The following NRG3 variants were observed in gnomAD, a reference collection of about 807,000 sequenced individuals.
The protein encoded by NRG3 is pro-neuregulin-3, membrane-bound isoform.
A neutral mutation model predicts 66.9 loss-of-function variants in NRG3; 31 were observed. The ratio of observed to expected loss-of-function variants is 0.46; its 90% CI spans 0.35 to 0.63. The LOEUF is 0.63. Among genes scored for constraint, NRG3 ranks in the 20% least tolerant of loss-of-function variants. The pLI is 0.00. For missense variants in NRG3, 910 were observed against 878.9 expected (o/e 1.04, Z -0.45); for synonymous variants, 393 against 359.4 (o/e 1.09, Z -1.06).
At chr10:82,785,304 C>A (rs936940134) in intron 3 of NRG3, among the ~76,000 whole-genome samples, 1 of 150,442 alleles carries the variant, frequency 6.6e-6, no homozygotes, top group Non-Finnish European at 1.5e-5. Context: ...TGTATACATA[C>A]GTAACTAACC....
chr10:81,945,888 T>C (rs78026651), intron 1 of NRG3, among the ~76,000 whole-genome samples: 1,643 of 152,126 alleles, frequency 0.011, 30 homozygotes, highest in African/African-American at 0.038. Flanking sequence ...AGAAATGAGA[T>C]TGATGTATCT....
intron 2 of NRG3, among the ~76,000 whole-genome samples, chr10:82,417,844 A>C (rs1392345714): frequency 6.6e-6 from 1 of 152,202 alleles, no homozygotes; most frequent in African/African-American, 2.4e-5. Flanking sequence ...CTGGCCTTGT[A>C]ACATCAGTCT....
chr10:82,216,233 G>A (rs1168243534), intron 1 of NRG3, among the ~76,000 whole-genome samples: 2 of 151,342 alleles, frequency 1.3e-5, no homozygotes, highest in Non-Finnish European at 2.9e-5. Context: ...CACCTGCCTC[G>A]GCCTCCCAAA....
At chr10:82,127,475 T>A (rs376246828) in intron 1 of NRG3, among the ~76,000 whole-genome samples, 1 of 152,104 alleles carries the variant, frequency 6.6e-6, no homozygotes, top group East Asian at 1.9e-4. Flanking sequence ...TTTAGTCCCT[T>A]GAGAAGTTGG....
In NRG3 at chr10:81,918,970, AC is replaced by A. The variant is rs770923077; in HGVS notation, c.823+42808del. ...AATCATTAACTACTATTGCATCATA[AC>A]AAAACACACACACACACACACACAT... On this transcript the variant is annotated intron_variant, in intron 1 of 8. Transcript: ENST00000372141. Among the ~76,000 whole-genome samples, 33 of 95,484 alleles carry A rather than the reference AC, an allele frequency of 3.5e-4. No individual in the cohort carries two copies. The East Asian group carries it at 9.2e-3, about 27-fold the overall frequency. 62.6% of individuals were successfully genotyped at this position (95,484 alleles called of 152,430 possible). A position where few individuals can be genotyped will look rare whatever the true frequency, so the allele number is the denominator to read the frequency against.
intron 2 of NRG3, among the ~76,000 whole-genome samples, chr10:82,627,134 C>G (rs1293251496): frequency 6.6e-6 from 1 of 152,066 alleles, no homozygotes; most frequent in Non-Finnish European, 1.5e-5. Context: ...ATAAGGATCT[C>G]CAGAAGTCCT....
At chr10:82,573,169 T>G (rs1801058662) in intron 2 of NRG3, among the ~76,000 whole-genome samples, 1 of 151,826 alleles carries the variant, frequency 6.6e-6, no homozygotes. Flanking sequence ...TCAAATTGTG[T>G]GTGCTACCTA....
At chr10:82,043,784 A>T (rs1306095800) in intron 1 of NRG3, among the ~76,000 whole-genome samples, 3 of 152,044 alleles carry the variant, frequency 2.0e-5, no homozygotes. Context: ...AAGTCATACC[A>T]CAAAATTGGT....
At chr10:82,570,336 T>C (rs746472535) in intron 2 of NRG3, among the ~76,000 whole-genome samples, 12 of 151,704 alleles carry the variant, frequency 7.9e-5, no homozygotes, top group Non-Finnish European at 1.6e-4. Flanking sequence ...CTCTCTACAA[T>C]TTTGTCTTGC....
At chr10:82,404,563 A>G (rs1259947872) in intron 2 of NRG3, among the ~76,000 whole-genome samples, 4 of 152,200 alleles carry the variant, frequency 2.6e-5, no homozygotes, top group African/African-American at 9.7e-5. Flanking sequence ...TGCTGAATGA[A>G]TGATTGAATG....
At chr10:82,352,818 T>G (rs956173565) in intron 1 of NRG3, among the ~76,000 whole-genome samples, 1 of 151,848 alleles carries the variant, frequency 6.6e-6, no homozygotes, top group Non-Finnish European at 1.5e-5. Flanking sequence ...GATTTTGGTC[T>G]TCATCGTAAG....
At chr10:81,970,280 A>G (rs2059884499) in intron 1 of NRG3, among the ~76,000 whole-genome samples, 1 of 152,218 alleles carries the variant, frequency 6.6e-6, no homozygotes, top group African/African-American at 2.4e-5. Flanking sequence ...TGGTAAATCA[A>G]CATGTCAGAG....
At chr10:82,608,796 C>G (rs902817776) in intron 2 of NRG3, among the ~76,000 whole-genome samples, 1 of 152,078 alleles carries the variant, frequency 6.6e-6, no homozygotes, top group African/African-American at 2.4e-5. Flanking sequence ...ACAGAAAGCT[C>G]TGTGTATTTC....
chr10:82,186,457 G>A (rs909490372), intron 1 of NRG3, among the ~76,000 whole-genome samples: 59 of 152,174 alleles, frequency 3.9e-4, no homozygotes, highest in Non-Finnish European at 3.4e-4. Context: ...TACTCCGGCT[G>A]TGACCACTGA....
intron 3 of NRG3, among the ~76,000 whole-genome samples, chr10:82,771,346 A>G (rs764145182): frequency 6.6e-6 from 1 of 152,204 alleles, no homozygotes; most frequent in Non-Finnish European, 1.5e-5. Flanking sequence ...AAAAATTTAA[A>G]AGAAGACATA....
chr10:82,774,329 G>T (rs1591481431), intron 3 of NRG3, among the ~76,000 whole-genome samples: 1 of 152,152 alleles, frequency 6.6e-6, no homozygotes, highest in South Asian at 2.1e-4. Context: ...TTGGGAAAGA[G>T]TTTGAGAAGG....
intron 3 of NRG3, among the ~76,000 whole-genome samples, chr10:82,805,845 G>A (rs1433623701): frequency 6.6e-6 from 1 of 152,154 alleles, no homozygotes; most frequent in African/African-American, 2.4e-5. Flanking sequence ...TTCTGAATTT[G>A]GTGGGCTGTA....
chr10:82,714,137 T>G (rs1175357277), intron 2 of NRG3, among the ~76,000 whole-genome samples: 1 of 152,252 alleles, frequency 6.6e-6, no homozygotes, highest in East Asian at 1.9e-4. Flanking sequence ...TGTATTACTA[T>G]GTACAATCTG....
chr10:82,614,533 A>T (rs964265562), intron 2 of NRG3, among the ~76,000 whole-genome samples: 1 of 152,196 alleles, frequency 6.6e-6, no homozygotes, highest in Non-Finnish European at 1.5e-5. Flanking sequence ...AATAACCAGT[A>T]CTTATTGAGC....
Sources: gnomAD v4.1 joint callset for allele counts (sites outside exome capture counted in the v4.1 genomes callset) on GRCh38, gnomAD v4.1.1 for gene constraint, MANE v1.5 for transcripts, NCBI Gene and HGNC (gene_info 2026-07-23, HGNC 2026-07-21) for gene names.